ACACA: variants seen among roughly 807,000 people sequenced by gnomAD.
The protein encoded by ACACA is acetyl-CoA carboxylase 1.
ACACA carries 103 observed loss-of-function variants against 296.1 expected under a neutral mutation model. That is an observed-to-expected ratio of 0.35 (90% confidence interval 0.30 to 0.41). ACACA has a LOEUF of 0.41. Ranked by LOEUF, ACACA falls within the 10% of genes least tolerant of loss-of-function variation. The probability of loss-of-function intolerance (pLI) is 1.00; values close to 1 mark genes in which losing one functional copy is unlikely to be tolerated. For synonymous variants in ACACA, 953 were observed against 1,038.6 expected (o/e 0.92, Z 1.58); for missense variants, 1,554 against 2,989.7 (o/e 0.52, Z 11.20).
intron 55 of ACACA, among the ~76,000 whole-genome samples, chr17:37,088,032 C>T (rs760652430): frequency 6.6e-6 from 1 of 152,114 alleles, no homozygotes; most frequent in African/African-American, 2.4e-5. Context: ...TCTTGACCAG[C>T]GGATGAAATT....
intron 1 of ACACA, among the ~76,000 whole-genome samples, chr17:37,343,070 C>T (rs1181441369): frequency 1.3e-5 from 2 of 152,226 alleles, no homozygotes; most frequent in South Asian, 2.1e-4. Context: ...CTCTGCCTCC[C>T]GAGTTCAAGC....
chr17:37,205,277 G>A (rs2078446174), intron 33 of ACACA, among the ~76,000 whole-genome samples: 1 of 152,134 alleles, frequency 6.6e-6, no homozygotes, highest in Admixed American at 6.5e-5. Flanking sequence ...AGAGGGACGA[G>A]AAGAGGTGAA....
intron 16 of ACACA, 55 bp downstream of exon 16, chr17:37,251,950 C>G: frequency 6.7e-7 from 1 of 1,496,632 alleles, no homozygotes; most frequent in Non-Finnish European, 9.3e-7. Context: ...GAGCTTCAGT[C>G]CCTGTACTCA....
At chr17:37,174,816 C>G (rs1407791917) in intron 41 of ACACA, among the ~76,000 whole-genome samples, 1 of 152,168 alleles carries the variant, frequency 6.6e-6, no homozygotes, top group Non-Finnish European at 1.5e-5. Context: ...CAGGTATAAG[C>G]CACCACGCCT....
At chr17:37,350,258 G>A (rs2048835235) in intron 1 of ACACA, among the ~76,000 whole-genome samples, 1 of 151,762 alleles carries the variant, frequency 6.6e-6, no homozygotes. Flanking sequence ...TTGATTCCAG[G>A]AGGTCGAGGC....
chr17:37,190,325 G>A (rs1261133530), intron 38 of ACACA, among the ~76,000 whole-genome samples: 1 of 152,038 alleles, frequency 6.6e-6, no homozygotes, highest in African/African-American at 2.4e-5. Context: ...GCTACTCGGG[G>A]AGGCTGAAGC....
At chr17:37,237,369 A>G (rs2080161805) in intron 24 of ACACA, among the ~76,000 whole-genome samples, 1 of 152,200 alleles carries the variant, frequency 6.6e-6, no homozygotes, top group Non-Finnish European at 1.5e-5. Context: ...AGTTTCTCTA[A>G]AGTATATTTT....
intron 41 of ACACA, among the ~76,000 whole-genome samples, chr17:37,174,840 T>C (rs554268701): frequency 3.8e-4 from 58 of 152,232 alleles, no homozygotes; most frequent in African/African-American, 1.3e-3. Context: ...CCCAGTTGCA[T>C]TCAATTTTCA....
At chr17:37,307,894 T>A (rs906982698) in intron 3 of ACACA, among the ~76,000 whole-genome samples, 1 of 151,816 alleles carries the variant, frequency 6.6e-6, no homozygotes, top group African/African-American at 2.4e-5. Flanking sequence ...AGTCATAAGA[T>A]CCTTATAGTA....
At chr17:37,291,157 C>T (rs918394776) in intron 3 of ACACA, among the ~76,000 whole-genome samples, 2 of 99,810 alleles carry the variant, frequency 2.0e-5, no homozygotes, top group African/African-American at 5.0e-5. Flanking sequence ...CACACACACA[C>T]ACACACACAC....
intron 41 of ACACA, among the ~76,000 whole-genome samples, chr17:37,177,736 A>T (rs2077174054): frequency 6.6e-6 from 1 of 152,242 alleles, no homozygotes; most frequent in Admixed American, 6.5e-5. Flanking sequence ...ACAGTGGCAG[A>T]AACCTCTGTT....
At chr17:37,346,168 T>C (rs900243880) in intron 1 of ACACA, among the ~76,000 whole-genome samples, 1 of 152,046 alleles carries the variant, frequency 6.6e-6, no homozygotes, top group Non-Finnish European at 1.5e-5. Flanking sequence ...AGTATTATGG[T>C]TAGCCGGGCA....
At chr17:37,259,932 TC>T (rs552829856) in intron 11 of ACACA, among the ~76,000 whole-genome samples, 71 of 148,808 alleles carry the variant, frequency 4.8e-4, no homozygotes, top group African/African-American at 1.7e-3. Flanking sequence ...TGGGCTGGAG[TC>T]CAGTGGCACA....
intron 24 of ACACA, among the ~76,000 whole-genome samples, chr17:37,237,619 G>C (rs1357484551): frequency 6.6e-6 from 1 of 152,116 alleles, no homozygotes; most frequent in Non-Finnish European, 1.5e-5. Flanking sequence ...TTCTTCTTCT[G>C]TAAAATATCT....
intron 3 of ACACA, among the ~76,000 whole-genome samples, chr17:37,319,924 C>A (rs930501429): frequency 6.6e-6 from 1 of 151,996 alleles, no homozygotes; most frequent in South Asian, 2.1e-4. Context: ...GCACTCCAGC[C>A]TTGGCAACAG....
intron 35 of ACACA, among the ~76,000 whole-genome samples, chr17:37,199,882 AT>A (rs951973488): frequency 1.3e-5 from 2 of 151,522 alleles, no homozygotes; most frequent in South Asian, 2.1e-4. Context: ...ATTAAAAAAA[AT>A]TTTTTTTTAA....
chr17:37,181,276 C>T lies in ACACA; in HGVS notation c.4857G>A (p.Leu1619=). 3 of 1,613,858 alleles carry T rather than the reference C, an allele frequency of 1.9e-6. No individual in the cohort carries two copies. The highest frequency in any genetic ancestry group is 2.5e-6 in the Non-Finnish European group (3 of 1,179,862). Residue 1619 remains leucine (L), a synonymous_variant, in exon 40 of 56, where the codon CTG becomes CTA. Coordinates refer to ENST00000616317, the MANE Select transcript of ACACA (RefSeq NM_198834.3). ...GTGCCTGGAACCTCTTTGATTGCAG[C>T]AGGTCTTTGGTCACATATGGAGTAT... ...LINTPYVTKD[L]LQSKRFQAQS...
chr17:37,259,555 A>G (rs748280390), intron 11 of ACACA, 25 bp from the exon 12 acceptor site: 27 of 1,613,770 alleles, frequency 1.7e-5, no homozygotes, highest in Admixed American at 6.7e-5. Flanking sequence ...ATAAGCAAAC[A>G]TAAGTATCTC....
intron 1 of ACACA, chr17:37,369,221 C>T (rs2049713633): frequency 6.6e-6 from 1 of 152,170 alleles, no homozygotes; most frequent in Non-Finnish European, 1.5e-5. Context: ...AGGCCAGGTA[C>T]CAGTGGCTCA....
Sources: allele counts gnomAD v4.1 joint callset (sites outside exome capture counted in the v4.1 genomes callset), GRCh38; gene constraint gnomAD v4.1.1; transcripts MANE v1.5; gene names NCBI Gene and HGNC (gene_info 2026-07-23, HGNC 2026-07-21).